Variants in AFAP1L2 observed in about 807,000 individuals in gnomAD.
AFAP1L2 encodes actin filament-associated protein 1-like 2.
AFAP1L2 carries 46 observed loss-of-function variants against 99.3 expected under a neutral mutation model. That is an observed-to-expected ratio of 0.46 (90% CI 0.37 to 0.59). AFAP1L2 has a LOEUF of 0.59. AFAP1L2 is among the 20% of genes least tolerant of loss of function. The pLI, the probability that AFAP1L2 is intolerant of heterozygous loss-of-function variation, is 0.00. For missense variants in AFAP1L2, 959 were observed against 1,034.9 expected (o/e 0.93, Z 1.01); for synonymous variants, 397 against 419.1 (o/e 0.95, Z 0.64).
chr10:114,353,305 A>G (rs1234156140), intron 1 of AFAP1L2, among the ~76,000 whole-genome samples: 1 of 152,228 alleles, frequency 6.6e-6, no homozygotes, highest in African/African-American at 2.4e-5. Flanking sequence ...TTCAGCACTT[A>G]GATTCAGCCA....
At chr10:114,326,205 C>G (rs2046266334) in intron 4 of AFAP1L2, among the ~76,000 whole-genome samples, 1 of 152,152 alleles carries the variant, frequency 6.6e-6, no homozygotes, top group East Asian at 1.9e-4. Context: ...AGAAAAATAG[C>G]TCAGAGAAGT....
rs144324936 is a variant in AFAP1L2, at chr10:114,384,331, C to A, written c.16+20109G>T. Among the ~76,000 whole-genome samples the A allele has an allele frequency of 5.3e-3, 803 of 151,782 alleles. 8 individuals are homozygous for A. Among genetic ancestry groups the A allele is most frequent in the African/African-American group, 0.018 (755 of 41,324 alleles). On this transcript the variant is annotated intron_variant, in intron 1 of 18. Transcript: ENST00000304129. ...ATGGCATCTTGTCTGTCGTCCCCCC[C>A]CCGCTGCAAGTGATGAACCAACTTC... is the stretch of plus-strand genomic sequence containing the variant.
At chr10:114,373,406 A>G (rs920930433) in intron 1 of AFAP1L2, among the ~76,000 whole-genome samples, 1 of 152,120 alleles carries the variant, frequency 6.6e-6, no homozygotes, top group African/African-American at 2.4e-5. Flanking sequence ...TGGGCAGATC[A>G]CCTGAGGTCA....
chr10:114,397,675 G>A (rs908994056), intron 1 of AFAP1L2, among the ~76,000 whole-genome samples: 2 of 152,178 alleles, frequency 1.3e-5, no homozygotes, highest in African/African-American at 4.8e-5. Flanking sequence ...CATTCAATTT[G>A]GGAAAGCTAC....
At chr10:114,368,963 G>A (rs2053693531) in intron 1 of AFAP1L2, among the ~76,000 whole-genome samples, 1 of 151,984 alleles carries the variant, frequency 6.6e-6, no homozygotes, top group African/African-American at 2.4e-5. Flanking sequence ...AGCTAGGGGG[G>A]AAAAGATTGC....
intron 3 of AFAP1L2, 85 bp from the exon 4 acceptor site, chr10:114,331,982 G>A: frequency 2.3e-6 from 2 of 887,938 alleles, no homozygotes; most frequent in Non-Finnish European, 3.0e-6. Context: ...CCGGTCACAT[G>A]CACCCTGTGA....
intron 1 of AFAP1L2, among the ~76,000 whole-genome samples, chr10:114,386,281 G>T (rs2056490667): frequency 6.6e-6 from 1 of 152,146 alleles, no homozygotes; most frequent in Non-Finnish European, 1.5e-5. Flanking sequence ...TGCATCTGTA[G>T]TCCCAACTAC....
downstream of AFAP1L2, among the ~76,000 whole-genome samples, chr10:114,291,785 T>G (rs1363834324): frequency 6.6e-6 from 1 of 152,190 alleles, no homozygotes; most frequent in African/African-American, 2.4e-5. Context: ...AAAGGGGGCT[T>G]GAGGGACGTT....
chr10:114,302,816 TGTTA>T (rs1393065963), intron 11 of AFAP1L2, among the ~76,000 whole-genome samples: 1 of 152,146 alleles, frequency 6.6e-6, no homozygotes, highest in Non-Finnish European at 1.5e-5. Flanking sequence ...AGTGACCACC[TGTTA>T]ATTAATAGTT....
chr10:114,288,465 GC>G, the AFAP1L2 span, among the ~76,000 whole-genome samples: 1 of 152,216 alleles, frequency 6.6e-6, no homozygotes, highest in African/African-American at 2.4e-5. Context: ...ACAAAGGGTT[GC>G]CCACAAACCC....
chr10:114,365,752 G>A (rs762826356), intron 1 of AFAP1L2, among the ~76,000 whole-genome samples: 1 of 149,332 alleles, frequency 6.7e-6, no homozygotes, highest in Non-Finnish European at 1.5e-5. Flanking sequence ...CTGAGACAGG[G>A]TCCTACTCTT....
intron 1 of AFAP1L2, among the ~76,000 whole-genome samples, chr10:114,355,080 T>C (rs2051119600): frequency 6.6e-6 from 1 of 152,184 alleles, no homozygotes; most frequent in Non-Finnish European, 1.5e-5. Flanking sequence ...CAGGTAATTA[T>C]CCTGGATAAA....
intron 1 of AFAP1L2, among the ~76,000 whole-genome samples, chr10:114,391,277 T>C (rs113759267): frequency 2.2e-4 from 34 of 152,238 alleles, no homozygotes; most frequent in African/African-American, 7.9e-4. Flanking sequence ...TGGAGTGCAG[T>C]AGTGAGATCT....
intron 1 of AFAP1L2, among the ~76,000 whole-genome samples, chr10:114,395,347 C>T (rs1285829500): frequency 2.6e-5 from 4 of 152,188 alleles, no homozygotes; most frequent in African/African-American, 9.6e-5. Flanking sequence ...GACCCAAGAC[C>T]ATGAAGATGG....
At chr10:114,303,275 G>A (rs1009060475) in intron 11 of AFAP1L2, among the ~76,000 whole-genome samples, 3 of 152,170 alleles carry the variant, frequency 2.0e-5, no homozygotes, top group Admixed American at 6.5e-5. Context: ...GCCGTGATGA[G>A]CAGAATTTGA....
intron 6 of AFAP1L2, 45 bp from the exon 7 acceptor site, chr10:114,314,095 G>C (rs750850106): frequency 2.5e-6 from 4 of 1,574,480 alleles, no homozygotes; most frequent in Non-Finnish European, 2.6e-6. Context: ...AGGGGTGCCG[G>C]GCGGAGGTGA....
At chr10:114,335,299 ATTT>A (rs398054745) in intron 2 of AFAP1L2, among the ~76,000 whole-genome samples, 5 of 150,318 alleles carry the variant, frequency 3.3e-5, no homozygotes, top group African/African-American at 1.2e-4. Context: ...ATACTGCATG[ATTT>A]TTTTTTTTAA....
chr10:114,358,704 C>T (rs1224943475), intron 1 of AFAP1L2, among the ~76,000 whole-genome samples: 1 of 152,122 alleles, frequency 6.6e-6, no homozygotes, highest in African/African-American at 2.4e-5. Flanking sequence ...CACCTGAGGT[C>T]AGGAGTTCGA....
At chr10:114,335,940 T>C (rs1238800826) in intron 2 of AFAP1L2, among the ~76,000 whole-genome samples, 1 of 152,148 alleles carries the variant, frequency 6.6e-6, no homozygotes, top group African/African-American at 2.4e-5. Flanking sequence ...TGGAAGAACA[T>C]AAATAGTGTT....
Sources: allele counts gnomAD v4.1 joint callset (sites outside exome capture counted in the v4.1 genomes callset), GRCh38; gene constraint gnomAD v4.1.1; transcripts MANE v1.5; gene names NCBI Gene and HGNC (gene_info 2026-07-23, HGNC 2026-07-21).